Variants in FMN2 observed in about 807,000 individuals in gnomAD.
FMN2 encodes the protein formin 2.
A neutral mutation model predicts 142.3 loss-of-function variants in FMN2; 51 were observed. That is an observed-to-expected ratio of 0.36 (90% CI 0.29 to 0.45). The LOEUF is 0.45. Ranked by LOEUF, FMN2 falls within the 20% of genes least tolerant of loss-of-function variation. The pLI, the probability that FMN2 is intolerant of heterozygous loss-of-function variation, is 1.00. For synonymous variants in FMN2, 882 were observed against 869.8 expected (o/e 1.01, Z -0.25); for missense variants, 1,936 against 2,122.8 (o/e 0.91, Z 1.73).
At chr1:240,296,110 G>A (rs12136632) in intron 8 of FMN2, among the ~76,000 whole-genome samples, 31,406 of 151,846 alleles carry the variant, frequency 0.21, 3,507 homozygotes, top group Admixed American at 0.33. Flanking sequence ...TATAGCTGGG[G>A]TTTAGTTCAT....
chr1:240,146,198 A>C (rs1434698551), intron 2 of FMN2, among the ~76,000 whole-genome samples: 14 of 149,220 alleles, frequency 9.4e-5, no homozygotes, highest in Non-Finnish European at 1.9e-4. Flanking sequence ...CCTGGCTAAC[A>C]TGGAGAAACC....
intron 15 of FMN2, among the ~76,000 whole-genome samples, chr1:240,432,902 G>A (rs1169866801): frequency 6.6e-6 from 1 of 151,920 alleles, no homozygotes; most frequent in Non-Finnish European, 1.5e-5. Flanking sequence ...TCAGCATATG[G>A]TCTATGTTGA....
intron 1 of FMN2, among the ~76,000 whole-genome samples, chr1:240,116,817 A>G (rs1662042827): frequency 6.6e-6 from 1 of 152,170 alleles, no homozygotes; most frequent in Admixed American, 6.5e-5. Flanking sequence ...CTTCTGGCAC[A>G]TCATGGGCAT....
At chr1:240,318,320 G>T (rs1432585618) in intron 8 of FMN2, among the ~76,000 whole-genome samples, 2 of 152,176 alleles carry the variant, frequency 1.3e-5, no homozygotes, top group Non-Finnish European at 2.9e-5. Context: ...TTGGCCTAGG[G>T]CAGGTATTAA....
intron 14 of FMN2, among the ~76,000 whole-genome samples, chr1:240,367,594 C>A (rs538189612): frequency 3.3e-5 from 5 of 151,646 alleles, no homozygotes; most frequent in African/African-American, 9.7e-5. Context: ...CGGTGAAACC[C>A]CATCTCTACT....
intron 16 of FMN2, among the ~76,000 whole-genome samples, chr1:240,469,021 T>C (rs1022565014): frequency 2.0e-5 from 3 of 152,172 alleles, no homozygotes; most frequent in African/African-American, 7.2e-5. Context: ...CAGCAACATT[T>C]GCTGGGAAGC....
chr1:240,341,840 TGGCTGGGGTCTG>T (rs1389403399), intron 13 of FMN2, among the ~76,000 whole-genome samples: 17 of 152,322 alleles, frequency 1.1e-4, no homozygotes, highest in African/African-American at 4.1e-4. Context: ...GTGAATGACT[TGGCTGGGGTCTG>T]GGCTGGGAAG....
chr1:240,202,236 C>T (rs1440071803), intron 4 of FMN2, among the ~76,000 whole-genome samples: 1 of 152,130 alleles, frequency 6.6e-6, no homozygotes, highest in African/African-American at 2.4e-5. Flanking sequence ...TAAGTGGATT[C>T]TACTTAAGAG....
intron 2 of FMN2, chr1:240,145,191 A>G (rs1296216925): frequency 1.4e-6 from 2 of 1,437,988 alleles, no homozygotes; most frequent in East Asian, 4.6e-5. Context: ...TCCCCGAGTC[A>G]TTCCACAAGC....
intron 7 of FMN2, among the ~76,000 whole-genome samples, chr1:240,279,264 A>T (rs899151874): frequency 1.3e-5 from 2 of 151,580 alleles, no homozygotes; most frequent in African/African-American, 4.8e-5. Flanking sequence ...TTCTTTAATG[A>T]AAAAAAAATT....
chr1:240,154,102 T>A (rs1264210561), intron 2 of FMN2, among the ~76,000 whole-genome samples: 2 of 33,648 alleles, frequency 5.9e-5, no homozygotes, highest in East Asian at 1.4e-3. Context: ...AAAGTGAGAT[T>A]CCATCAAAAA....
chr1:240,278,097 T>G (rs1572147434), intron 7 of FMN2, among the ~76,000 whole-genome samples: 2 of 152,332 alleles, frequency 1.3e-5, no homozygotes, highest in East Asian at 3.9e-4. Context: ...CCCCGATTCC[T>G]ATTACACTGT....
chr1:240,407,864 T>C (rs1343780231), intron 15 of FMN2, among the ~76,000 whole-genome samples: 1 of 152,214 alleles, frequency 6.6e-6, no homozygotes, highest in East Asian at 1.9e-4. Flanking sequence ...AATGAAAATA[T>C]GTTTTAATCC....
intron 13 of FMN2, among the ~76,000 whole-genome samples, chr1:240,346,001 A>G (rs1321688837): frequency 6.6e-6 from 1 of 152,180 alleles, no homozygotes; most frequent in Non-Finnish European, 1.5e-5. Context: ...AAACTGATTG[A>G]ACTGTATTTA....
intron 6 of FMN2, among the ~76,000 whole-genome samples, chr1:240,226,559 A>T (rs1227405850): frequency 6.6e-6 from 1 of 152,210 alleles, no homozygotes; most frequent in Non-Finnish European, 1.5e-5. Context: ...CGAAAATGAT[A>T]TGGTAATTTG....
At chr1:240,311,277 T>C (rs1200669080) in intron 8 of FMN2, among the ~76,000 whole-genome samples, 2 of 152,212 alleles carry the variant, frequency 1.3e-5, no homozygotes, top group Non-Finnish European at 2.9e-5. Flanking sequence ...TCCTCAAAAG[T>C]GTATACCATA....
chr1:240,186,681 A>G (rs1190731251), intron 3 of FMN2, among the ~76,000 whole-genome samples: 2 of 152,072 alleles, frequency 1.3e-5, no homozygotes, highest in African/African-American at 4.8e-5. Context: ...GGCCCTATGG[A>G]AGAAGCATGA....
At chr1:240,224,265 T>C (rs976207921) in intron 6 of FMN2, among the ~76,000 whole-genome samples, 2 of 152,162 alleles carry the variant, frequency 1.3e-5, no homozygotes, top group Non-Finnish European at 2.9e-5. Context: ...CAGGAGCAGG[T>C]TGTTCAGTTT....
intron 7 of FMN2, among the ~76,000 whole-genome samples, chr1:240,269,157 G>A (rs1243118847): frequency 6.6e-6 from 1 of 151,890 alleles, no homozygotes; most frequent in African/African-American, 2.4e-5. Context: ...CCTAACCCCT[G>A]TGTTTTCTTC....
Sources: gnomAD v4.1 joint callset for allele counts (sites outside exome capture counted in the v4.1 genomes callset) on GRCh38, gnomAD v4.1.1 for gene constraint, MANE v1.5 for transcripts, NCBI Gene and HGNC (gene_info 2026-07-23, HGNC 2026-07-21) for gene names.